Variants in PLEKHG1 observed in about 807,000 individuals in gnomAD.
PLEKHG1 encodes pleckstrin homology domain-containing family G member 1.
A neutral mutation model predicts 100.8 loss-of-function variants in PLEKHG1; 44 were observed. The ratio of observed to expected loss-of-function variants is 0.44; its 90% CI spans 0.34 to 0.56. The LOEUF is 0.56. Among genes scored for constraint, PLEKHG1 ranks in the 20% least tolerant of loss-of-function variants. PLEKHG1 has a pLI of 0.01. For synonymous variants in PLEKHG1, 640 were observed against 662.5 expected (o/e 0.97, Z 0.52); for missense variants, 1,545 against 1,720.9 (o/e 0.90, Z 1.81).
At chr6:150,650,598 C>T (rs1258744846) in intron 2 of PLEKHG1, 130 bp from the exon 2 acceptor site, 1 of 152,164 alleles carries the variant, frequency 6.6e-6, no homozygotes, top group African/African-American at 2.4e-5. Flanking sequence ...AATATCCTGG[C>T]CTTTTGGCAT....
intron 1 of PLEKHG1, among the ~76,000 whole-genome samples, chr6:150,612,303 G>C (rs998437179): frequency 6.6e-6 from 1 of 152,036 alleles, no homozygotes; most frequent in African/African-American, 2.4e-5. Context: ...GACATTGAAT[G>C]TGTGTTTTTT....
chr6:150,840,712 A>G (rs1777486396), exon 16 of PLEKHG1: 1 of 1,614,082 alleles, frequency 6.2e-7, no homozygotes, highest in African/African-American at 1.3e-5. Flanking sequence ...CATTCTTTGA[A>G]TAGTCCGCGC....
chr6:150,666,357 C>T (rs1021130292), intron 3 of PLEKHG1, among the ~76,000 whole-genome samples: 1 of 152,206 alleles, frequency 6.6e-6, no homozygotes, highest in African/African-American at 2.4e-5. Flanking sequence ...CAGGATAACA[C>T]TGTCTCCCAC....
At chr6:150,783,134 C>CA (rs1388992411) in intron 3 of PLEKHG1, among the ~76,000 whole-genome samples, 5 of 35,276 alleles carry the variant, frequency 1.4e-4, no homozygotes, top group Admixed American at 5.4e-4. Flanking sequence ...TGAAACAAAA[C>CA]AAAAAAATCA....
chr6:150,806,223 CTTTT>C (rs58040509), intron 7 of PLEKHG1, among the ~76,000 whole-genome samples: 29 of 89,780 alleles, frequency 3.2e-4, no homozygotes, highest in East Asian at 2.3e-3. Flanking sequence ...TTCCAGGCTG[CTTTT>C]TTTTTTTTTT....
At chr6:150,756,740 G>A (rs1011041999) in intron 2 of PLEKHG1, among the ~76,000 whole-genome samples, 2 of 152,074 alleles carry the variant, frequency 1.3e-5, no homozygotes, top group African/African-American at 4.8e-5. Flanking sequence ...GATTTTGATT[G>A]AGGGTTACAG....
chr6:150,775,110 C>G (rs1385972622), intron 3 of PLEKHG1, among the ~76,000 whole-genome samples: 1 of 152,136 alleles, frequency 6.6e-6, no homozygotes, highest in East Asian at 1.9e-4. Flanking sequence ...ATTTAAGTCT[C>G]TGATTTGGTG....
rs144788301 is a variant in PLEKHG1 at position 150,819,813 on chromosome 6, G to A, written c.1408+39G>A. ...TGTCATAAAAATTTAATTCTAATGG[G>A]GGACTGGCAATGAAAGTCCCTTTGA... is the stretch of plus-strand genomic sequence containing the variant. On this transcript the variant is annotated intron_variant, in intron 12 of 15. Coordinates refer to ENST00000358517, the Ensembl canonical transcript of PLEKHG1. 340 of 1,138,934 alleles carry A rather than the reference G, an allele frequency of 3.0e-4. 3 individuals are homozygous for A. In the African/African-American group the frequency reaches 4.2e-3, roughly 14 times the overall value. The allele number at this position is 1,138,934 out of a possible 1,614,324, so 70.6% of individuals were successfully genotyped here.
chr6:150,775,561 G>A (rs1784917333), intron 3 of PLEKHG1, among the ~76,000 whole-genome samples: 1 of 152,128 alleles, frequency 6.6e-6, no homozygotes, highest in Non-Finnish European at 1.5e-5. Context: ...GTACAACAGA[G>A]GCAATAAGCC....
intron 15 of PLEKHG1, among the ~76,000 whole-genome samples, chr6:150,835,538 A>G (rs1777179753): frequency 6.6e-6 from 1 of 152,184 alleles, no homozygotes; most frequent in Non-Finnish European, 1.5e-5. Flanking sequence ...AATAAACCAG[A>G]GACATTCTTG....
intron 3 of PLEKHG1, among the ~76,000 whole-genome samples, chr6:150,696,256 G>T (rs1279411572): frequency 3.3e-5 from 5 of 152,150 alleles, no homozygotes; most frequent in Non-Finnish European, 7.4e-5. Flanking sequence ...TCGTCCTTAG[G>T]CCAGGAGACC....
chr6:150,701,905 A>C (rs1304736923), intron 3 of PLEKHG1, among the ~76,000 whole-genome samples: 1 of 152,282 alleles, frequency 6.6e-6, no homozygotes, highest in East Asian at 1.9e-4. Flanking sequence ...TTGACCAAGC[A>C]TTATGTCATT....
At chr6:150,656,530 T>C (rs1778977372) in intron 3 of PLEKHG1, among the ~76,000 whole-genome samples, 1 of 152,202 alleles carries the variant, frequency 6.6e-6, no homozygotes, top group Non-Finnish European at 1.5e-5. Context: ...CTGCCCTGAA[T>C]GGCCTCTGTT....
intron 2 of PLEKHG1, among the ~76,000 whole-genome samples, chr6:150,646,733 G>C (rs1008769410): frequency 6.6e-6 from 1 of 152,188 alleles, no homozygotes; most frequent in Non-Finnish European, 1.5e-5. Context: ...AAGATGACAG[G>C]TAGGGGCAGC....
intron 3 of PLEKHG1, among the ~76,000 whole-genome samples, chr6:150,685,429 A>G (rs1237918122): frequency 6.6e-6 from 1 of 152,158 alleles, no homozygotes; most frequent in Non-Finnish European, 1.5e-5. Flanking sequence ...GGAAAAGAGG[A>G]ATCCCACTCC....
chr6:150,755,813 C>A (rs2128631715), intron 2 of PLEKHG1, among the ~76,000 whole-genome samples: 1 of 152,204 alleles, frequency 6.6e-6, no homozygotes, highest in Admixed American at 6.5e-5. Context: ...CTTACCCTGT[C>A]CTCAGATAAA....
chr6:150,675,809 G>C (rs1779734833), intron 3 of PLEKHG1, among the ~76,000 whole-genome samples: 1 of 152,122 alleles, frequency 6.6e-6, no homozygotes, highest in African/African-American at 2.4e-5. Flanking sequence ...TTTTCTTAGT[G>C]GGGGGAAAAG....
chr6:150,761,096 T>A (rs909868041), intron 2 of PLEKHG1, among the ~76,000 whole-genome samples: 2 of 139,060 alleles, frequency 1.4e-5, no homozygotes, highest in African/African-American at 5.8e-5. Flanking sequence ...TCTTTCTTTT[T>A]TTCTTTTTTT....
At chr6:150,781,500 A>G (rs1260891592) in intron 3 of PLEKHG1, among the ~76,000 whole-genome samples, 2 of 151,626 alleles carry the variant, frequency 1.3e-5, no homozygotes, top group South Asian at 2.1e-4. Flanking sequence ...GCGAGATTCC[A>G]TCTCCAAAAA....
Sources: gnomAD v4.1 joint callset for allele counts (sites outside exome capture counted in the v4.1 genomes callset) on GRCh38, gnomAD v4.1.1 for gene constraint, MANE v1.5 for transcripts, NCBI Gene and HGNC (gene_info 2026-07-23, HGNC 2026-07-21) for gene names.